Variants in UBAC2 observed in about 807,000 individuals in gnomAD.
The protein encoded by UBAC2 is UBA domain containing 2.
A neutral mutation model predicts 44.0 loss-of-function variants in UBAC2; 26 were observed. That is an observed-to-expected ratio of 0.59 (90% CI 0.43 to 0.82). The LOEUF is 0.82. Ranked by LOEUF, UBAC2 falls within the 40% of genes least tolerant of loss-of-function variation. The probability of loss-of-function intolerance (pLI) is 0.00; values close to 1 mark genes in which losing one functional copy is unlikely to be tolerated. For synonymous variants in UBAC2, 155 were observed against 154.3 expected (o/e 1.00, Z -0.04); for missense variants, 329 against 419.4 (o/e 0.78, Z 1.88).
chr13:99,343,735 G>C (rs2044929354), intron 7 of UBAC2, among the ~76,000 whole-genome samples: 1 of 152,194 alleles, frequency 6.6e-6, no homozygotes, highest in Admixed American at 6.5e-5. Context: ...GCCTCCTGCT[G>C]AACTTCTTCA....
chr13:99,255,560 G>A, intron 4 of UBAC2: 1 of 1,614,094 alleles, frequency 6.2e-7, no homozygotes, highest in Non-Finnish European at 8.5e-7. Flanking sequence ...GCAATGCTTG[G>A]GTAAAACACT....
chr13:99,201,368 A>T, intron 1 of UBAC2: 1 of 1,579,036 alleles, frequency 6.3e-7, no homozygotes, highest in Non-Finnish European at 8.6e-7. Flanking sequence ...CCACTTGCAA[A>T]GTTCAGCCTC....
At chr13:99,346,715 C>T (rs1001692195) in intron 7 of UBAC2, among the ~76,000 whole-genome samples, 3 of 152,276 alleles carry the variant, frequency 2.0e-5, no homozygotes, top group Admixed American at 6.5e-5. Flanking sequence ...TCCCCAGCTT[C>T]CTGGGGGGCT....
At chr13:99,289,715 T>C (rs890303721) in intron 4 of UBAC2, among the ~76,000 whole-genome samples, 1 of 151,898 alleles carries the variant, frequency 6.6e-6, no homozygotes. Context: ...AGTGGCTTAA[T>C]CCACAGTGTG....
At chr13:99,261,762 G>A (rs948351685) in intron 4 of UBAC2, 10 of 152,466 alleles carry the variant, frequency 6.6e-5, no homozygotes, top group Non-Finnish European at 7.3e-5. Context: ...GAGAGATCCA[G>A]AGTCGCCAAG....
chr13:99,217,567 A>G (rs2043011161), intron 1 of UBAC2, among the ~76,000 whole-genome samples: 2 of 152,136 alleles, frequency 1.3e-5, no homozygotes, highest in African/African-American at 4.8e-5. Context: ...GTCCTTGAAC[A>G]CAGGGAGGCA....
At position 99,301,868 on chromosome 13, in the gene UBAC2, C is replaced by T. The variant is rs371336722; in HGVS notation, c.390-12229C>T. On this transcript the variant is annotated intron_variant, in intron 4 of 8. Coordinates refer to ENST00000403766, the MANE Select transcript of UBAC2 (RefSeq NM_001144072.2). ...GATTTAGTTGGTGCTAGAATAACAG[C>T]TTTTGGTTTTTGCTGAAATGTCACC... is the stretch of plus-strand genomic sequence containing the variant. Among the ~76,000 whole-genome samples the T allele has an allele frequency of 4.6e-5, 7 of 152,188 alleles. No individual in the cohort carries two copies. The East Asian group carries it at 7.7e-4, about 17-fold the overall frequency.
intron 1 of UBAC2, among the ~76,000 whole-genome samples, chr13:99,202,868 C>T (rs1214699372): frequency 6.6e-6 from 1 of 152,132 alleles, no homozygotes; most frequent in Non-Finnish European, 1.5e-5. Flanking sequence ...GCTGGGAATG[C>T]AGCAACGAAC....
At chr13:99,242,645 C>T (rs1266470451) in intron 2 of UBAC2, among the ~76,000 whole-genome samples, 6 of 118,700 alleles carry the variant, frequency 5.1e-5, no homozygotes, top group Admixed American at 8.0e-5. Context: ...GACCCCCCCA[C>T]CTCCCTCCCG....
chr13:99,354,687 G>T (rs1415545004), intron 7 of UBAC2, among the ~76,000 whole-genome samples: 1 of 151,850 alleles, frequency 6.6e-6, no homozygotes, highest in Non-Finnish European at 1.5e-5. Context: ...GATGGGGCTG[G>T]TTTGGGCAGA....
Position 99,295,167 on chromosome 13 carries a change from CT to C in UBAC2, c.390-18928del. On this transcript the variant is annotated intron_variant, in intron 4 of 8. Transcript: ENST00000403766. The surrounding 1 kb of genome is among the most constrained non-coding windows in gnomAD (Gnocchi z 4.1). The stretch of plus-strand genomic sequence containing the variant: ...ACAGCACTAGAAATCGATACACTGA[CT>C]TGCCGTTTCAGCATCCTCATAACCT... 6.2e-7 allele frequency: 1 copy of C among 1,614,158 alleles called. No homozygotes were observed. Among genetic ancestry groups the C allele is most frequent in the Non-Finnish European group, 8.5e-7 (1 of 1,180,000 alleles).
chr13:99,236,523 G>A (rs1339362203), intron 1 of UBAC2, among the ~76,000 whole-genome samples: 1 of 152,122 alleles, frequency 6.6e-6, no homozygotes, highest in Admixed American at 6.6e-5. Context: ...TACTTCACCC[G>A]AGTTAGAATG....
chr13:99,305,849 GCA>G (rs2044325105), intron 4 of UBAC2, among the ~76,000 whole-genome samples: 1 of 152,146 alleles, frequency 6.6e-6, no homozygotes, highest in Non-Finnish European at 1.5e-5. Context: ...CTACCAGTAA[GCA>G]CAGTTAGATG....
At chr13:99,201,643 T>G (rs978845524) in intron 1 of UBAC2, 7 of 1,529,828 alleles carry the variant, frequency 4.6e-6, no homozygotes, top group Non-Finnish European at 6.2e-6. Context: ...TTCGGTAAGG[T>G]AGACTGCGTG....
At chr13:99,329,465 G>T (rs1189385972) in intron 6 of UBAC2, among the ~76,000 whole-genome samples, 1 of 152,150 alleles carries the variant, frequency 6.6e-6, no homozygotes, top group Non-Finnish European at 1.5e-5. Context: ...TTTTTCCTCT[G>T]CTAGCATTTG....
At chr13:99,373,195 G>T (rs1437460142) in intron 8 of UBAC2, among the ~76,000 whole-genome samples, 4 of 145,408 alleles carry the variant, frequency 2.8e-5, no homozygotes, top group African/African-American at 7.7e-5. Context: ...TTTTAAACAG[G>T]TATCTTTATA....
chr13:99,368,960 A>C (rs748241864), intron 8 of UBAC2, among the ~76,000 whole-genome samples: 23 of 152,208 alleles, frequency 1.5e-4, no homozygotes, highest in Non-Finnish European at 2.2e-4. Context: ...GCCTGTCAGA[A>C]GGACACTGGA....
chr13:99,367,496 G>C (rs2045347022), intron 7 of UBAC2, among the ~76,000 whole-genome samples: 1 of 152,128 alleles, frequency 6.6e-6, no homozygotes, highest in African/African-American at 2.4e-5. Context: ...CTGAAATTAG[G>C]AGTGTCTGTA....
At chr13:99,289,607 T>A (rs2044063687) in intron 4 of UBAC2, among the ~76,000 whole-genome samples, 1 of 152,162 alleles carries the variant, frequency 6.6e-6, no homozygotes, top group Middle Eastern at 3.2e-3. Flanking sequence ...TTACACTCTG[T>A]GTATTGGTCT....
Sources: allele counts gnomAD v4.1 joint callset (sites outside exome capture counted in the v4.1 genomes callset), GRCh38; gene constraint gnomAD v4.1.1; non-coding constraint Gnocchi (gnomAD v3.1); transcripts MANE v1.5; gene names NCBI Gene and HGNC (gene_info 2026-07-23, HGNC 2026-07-21).